The following MAPK10 variants were observed in gnomAD, a reference collection of about 807,000 sequenced individuals.
MAPK10 encodes the protein mitogen-activated protein kinase 10.
Under a neutral mutation model 59.3 loss-of-function variants are expected in MAPK10, and 25 were observed. The observed-to-expected ratio is 0.42, with a 90% CI of 0.31 to 0.59. The LOEUF (loss-of-function observed/expected upper bound fraction) is 0.59. Among genes scored for constraint, MAPK10 ranks in the 20% least tolerant of loss-of-function variants. The pLI is 0.15. For synonymous variants in MAPK10, 190 were observed against 200.5 expected (o/e 0.95, Z 0.44); for missense variants, 351 against 568.9 (o/e 0.62, Z 3.90).
intron 2 of MAPK10, among the ~76,000 whole-genome samples, chr4:86,345,795 T>C (rs1206515779): frequency 6.6e-6 from 1 of 152,224 alleles, no homozygotes; most frequent in Admixed American, 6.5e-5. Context: ...ACTTTTCCTA[T>C]ATATTCCTGC....
chr4:86,330,040 T>C (rs867467043), intron 2 of MAPK10, among the ~76,000 whole-genome samples: 10 of 152,266 alleles, frequency 6.6e-5, no homozygotes, highest in Non-Finnish European at 1.5e-4. Context: ...TACACAGGAA[T>C]GTGCGGCTGT....
At chr4:86,361,361 A>G (rs371513028), upstream of MAPK10, among the ~76,000 whole-genome samples, 41 of 152,276 alleles carry the variant, frequency 2.7e-4, no homozygotes, top group East Asian at 6.0e-3. Flanking sequence ...ATCAATCAAG[A>G]CTATCTTCTA....
Position 86,489,394 on chromosome 4 carries a change from G to A in MAPK10, c.-263+104516C>T, listed in dbSNP as rs539009180. On this transcript the variant is annotated intron_variant, in intron 1 of 4. Coordinates refer to the MAPK10 transcript ENST00000502302. Reference sequence around the variant, plus strand: ...GTCACCCACTCCCCACCGAAAGGCTGATCTTTTCTCCACCATCAAAACTCA... The same window carrying A: ...GTCACCCACTCCCCACCGAAAGGCTAATCTTTTCTCCACCATCAAAACTCA... Among the ~76,000 whole-genome samples the A allele has an allele frequency of 3.9e-5, 6 of 152,234 alleles. No homozygotes were observed. The South Asian group carries it at 1.0e-3, about 26-fold the overall frequency.
intron 1 of MAPK10, among the ~76,000 whole-genome samples, chr4:86,543,646 A>C (rs1199841797): frequency 6.6e-6 from 1 of 152,242 alleles, no homozygotes; most frequent in African/African-American, 2.4e-5. Flanking sequence ...TAAACACAAA[A>C]AAGAGAAGAA....
intron 2 of MAPK10, among the ~76,000 whole-genome samples, chr4:86,328,153 CAAGA>C (rs2096070421): frequency 6.6e-6 from 1 of 151,682 alleles, no homozygotes; most frequent in Admixed American, 6.6e-5. Flanking sequence ...AACAAATTTA[CAAGA>C]AAGAAACAAA....
chr4:86,341,838 C>T (rs112684807), intron 2 of MAPK10, among the ~76,000 whole-genome samples: 2 of 148,060 alleles, frequency 1.4e-5, no homozygotes, highest in African/African-American at 2.5e-5. Flanking sequence ...AAAAAAACAC[C>T]GGCAGCTACT....
intron 1 of MAPK10, among the ~76,000 whole-genome samples, chr4:86,581,680 G>GT (rs1762279998): frequency 8.3e-6 from 1 of 119,902 alleles, no homozygotes; most frequent in Non-Finnish European, 1.7e-5. Context: ...CAGTTATTGT[G>GT]TGTGTGTGTG....
At chr4:86,359,288 C>CTCTGTG (rs796310826) in intron 1 of MAPK10, among the ~76,000 whole-genome samples, 22 of 94,632 alleles carry the variant, frequency 2.3e-4, no homozygotes, top group African/African-American at 1.2e-3. Context: ...CTCTCTCTCT[C>CTCTGTG]TGTGTGTGTG....
At chr4:86,515,893 TTTG>T (rs981700032) in intron 1 of MAPK10, among the ~76,000 whole-genome samples, 5 of 151,902 alleles carry the variant, frequency 3.3e-5, no homozygotes, top group African/African-American at 1.2e-4. Flanking sequence ...TTGTTTTTTT[TTTG>T]TTTTGTTTTT....
rs537440504 is a variant in MAPK10, at chr4:86,522,523, TC to T, written c.-263+71386del. Among the ~76,000 whole-genome samples the T allele has an allele frequency of 1.5e-3, 221 of 152,254 alleles. 2 individuals are homozygous for T. Among genetic ancestry groups the T allele is most frequent in the African/African-American group, 5.0e-3 (209 of 41,546 alleles). On this transcript the variant is annotated intron_variant, in intron 1 of 4. Transcript: ENST00000502302. The stretch of plus-strand genomic sequence containing the variant: ...TGATTAATAGTGCATTTCAATTCTA[TC>T]CCGCTTCATAACCAGAAGATGGAGC...
intron 1 of MAPK10, chr4:86,384,078 G>A (rs1301423938): frequency 6.6e-6 from 1 of 152,138 alleles, no homozygotes; most frequent in Non-Finnish European, 1.5e-5. Context: ...AAGTGTTGGA[G>A]AAACATAAAA....
rs570483547 is a variant in MAPK10 at position 86,460,172 on chromosome 4, T to A, written c.-262-105528A>T. Among the ~76,000 whole-genome samples, 4 of 152,304 alleles carry A rather than the reference T, an allele frequency of 2.6e-5. No individual in the cohort carries two copies. In the South Asian group the frequency reaches 8.3e-4, roughly 32 times the overall value. ...CTGAGATGTTCAGACTCCCCTCAAT[T>A]AGCAACACATAGAAGTGATGGCTAA... On this transcript the variant is annotated intron_variant, in intron 1 of 4. Coordinates refer to the MAPK10 transcript ENST00000502302.
chr4:86,185,015 A>G (rs970235024), intron 3 of MAPK10, among the ~76,000 whole-genome samples: 40 of 152,144 alleles, frequency 2.6e-4, no homozygotes, highest in African/African-American at 9.2e-4. Flanking sequence ...AAATAATGGG[A>G]AAGGGGCCTA....
intron 2 of MAPK10, among the ~76,000 whole-genome samples, chr4:86,345,933 T>G (rs1332189466): frequency 6.6e-6 from 1 of 152,240 alleles, no homozygotes; most frequent in Non-Finnish European, 1.5e-5. Flanking sequence ...CCAATCAATT[T>G]GCCTCATAAC....
At chr4:86,256,973 C>G (rs1331233631) in intron 2 of MAPK10, among the ~76,000 whole-genome samples, 1 of 127,320 alleles carries the variant, frequency 7.9e-6, no homozygotes, top group Non-Finnish European at 1.6e-5. Flanking sequence ...AGGATGGTCT[C>G]GATCTTAACC....
Position 86,198,175 on chromosome 4 carries a change from G to T in MAPK10, c.-6-3768C>A, listed in dbSNP as rs184663932. ...CCATCTTGCTAAGGATGATTATATA[G>T]CAGACAGCCTTGAAAGATAGAGGTA... On this transcript the variant is annotated intron_variant, in intron 2 of 13. Transcript: ENST00000641462. 3.5e-3 allele frequency among the ~76,000 whole-genome samples: 526 copies of T among 152,202 alleles called. 4 individuals are homozygous for T. The highest frequency in any genetic ancestry group is 0.012 in the African/African-American group (500 of 41,530).
At chr4:86,587,520 G>C (rs1295382528) in intron 1 of MAPK10, among the ~76,000 whole-genome samples, 1 of 152,114 alleles carries the variant, frequency 6.6e-6, no homozygotes, top group Non-Finnish European at 1.5e-5. Flanking sequence ...TCAATTATCT[G>C]CTCATGTTTT....
chr4:86,145,927 T>C (rs770147986), intron 4 of MAPK10, among the ~76,000 whole-genome samples: 37 of 152,188 alleles, frequency 2.4e-4, no homozygotes, highest in Non-Finnish European at 4.8e-4. Context: ...CCAAGAGCTC[T>C]TCTTTGCACC....
At chr4:86,589,276 G>A (rs55746316) in intron 1 of MAPK10, among the ~76,000 whole-genome samples, 33,893 of 152,110 alleles carry the variant, frequency 0.22, 4,526 homozygotes, top group Admixed American at 0.3. Flanking sequence ...TGATAATGCT[G>A]TATTGGTGAA....
Sources: allele counts gnomAD v4.1 joint callset (sites outside exome capture counted in the v4.1 genomes callset), GRCh38; gene constraint gnomAD v4.1.1; transcripts MANE v1.5; gene names NCBI Gene and HGNC (gene_info 2026-07-23, HGNC 2026-07-21).